NDUFAF2: variants seen among roughly 807,000 people sequenced by gnomAD.
The protein encoded by NDUFAF2 is NADH:ubiquinone oxidoreductase complex assembly factor 2.
Under a neutral mutation model 22.8 loss-of-function variants are expected in NDUFAF2, and 13 were observed. That is an observed-to-expected ratio of 0.57 (90% CI 0.37 to 0.91). The LOEUF (loss-of-function observed/expected upper bound fraction) is 0.91, where lower values mean the gene tolerates loss of function less well. Among genes scored for constraint, NDUFAF2 ranks in the 40% least tolerant of loss-of-function variants. The probability of loss-of-function intolerance (pLI) is 0.01; values close to 1 mark genes in which losing one functional copy is unlikely to be tolerated. For synonymous variants in NDUFAF2, 53 were observed against 64.2 expected, an observed-to-expected ratio of 0.83 and a Z score of 0.84; for missense variants, 162 against 195.2, an observed-to-expected ratio of 0.83 and a Z score of 1.01.
chr5:61,074,851 G>T (rs1302131814), intron 2 of NDUFAF2, among the ~76,000 whole-genome samples: 1 of 152,176 alleles, frequency 6.6e-6, no homozygotes. Context: ...CATAGCTGGG[G>T]AGGCCTCAGG....
chr5:61,119,061 A>T (rs1359003039), intron 3 of NDUFAF2, among the ~76,000 whole-genome samples: 2 of 152,196 alleles, frequency 1.3e-5, no homozygotes, highest in African/African-American at 4.8e-5. Flanking sequence ...TTAAAAGAAC[A>T]TATTGGGTCC....
chr5:60,988,782 A>G (rs113116596), intron 1 of NDUFAF2, among the ~76,000 whole-genome samples: 1,992 of 152,334 alleles, frequency 0.013, 24 homozygotes, highest in Non-Finnish European at 0.021. Context: ...AGCCAACTCA[A>G]GAATATAACG....
chr5:60,945,261 T>C lies in NDUFAF2; in HGVS notation c.6T>C (p.Gly2=), dbSNP rs748612232. Residue 2 remains glycine (G), a synonymous_variant, in exon 1 of 4, where the codon GGT becomes GGC. Coordinates refer to ENST00000296597, the MANE Select transcript of NDUFAF2 (RefSeq NM_174889.5). ...CTGGAAACTGGGTGGACGGCATGGGTTGGTCTCAGGATTTGTTCCGCGCCT... is the reference window on the plus strand; with the variant it reads ...CTGGAAACTGGGTGGACGGCATGGGCTGGTCTCAGGATTTGTTCCGCGCCT... M[G]WSQDLFRALW... is the part of the protein sequence containing the mutation. 33 of 1,612,886 alleles carry C rather than the reference T, an allele frequency of 2.0e-5. No individual in the cohort carries two copies. The South Asian group carries it at 3.5e-4, about 17-fold the overall frequency.
chr5:61,054,725 T>C (rs1039284198), intron 1 of NDUFAF2, among the ~76,000 whole-genome samples: 2 of 152,230 alleles, frequency 1.3e-5, no homozygotes, highest in Admixed American at 6.5e-5. Context: ...TAGGAACTTA[T>C]AGGCCTTACT....
At chr5:61,068,914 A>G (rs960553635) in intron 1 of NDUFAF2, among the ~76,000 whole-genome samples, 16 of 152,162 alleles carry the variant, frequency 1.1e-4, no homozygotes, top group Non-Finnish European at 1.0e-4. Context: ...CAAAAGACCC[A>G]TGTTCAAATC....
At chr5:61,129,916 A>G (rs1364981584) in intron 3 of NDUFAF2, among the ~76,000 whole-genome samples, 1 of 152,102 alleles carries the variant, frequency 6.6e-6, no homozygotes, top group East Asian at 1.9e-4. Flanking sequence ...TTCTAATTCT[A>G]ATATTACAAG....
intron 3 of NDUFAF2, among the ~76,000 whole-genome samples, chr5:61,116,964 A>T (rs1752920124): frequency 6.6e-6 from 1 of 152,158 alleles, no homozygotes; most frequent in African/African-American, 2.4e-5. Flanking sequence ...TTTGCGGAAA[A>T]AACTTGGGAA....
chr5:61,131,175 G>A (rs1288303480), intron 3 of NDUFAF2, among the ~76,000 whole-genome samples: 1 of 151,614 alleles, frequency 6.6e-6, no homozygotes, highest in Non-Finnish European at 1.5e-5. Context: ...AGATACAGGT[G>A]TAAGTTGATG....
At chr5:61,126,399 T>C in intron 3 of NDUFAF2, among the ~76,000 whole-genome samples, 1 of 152,064 alleles carries the variant, frequency 6.6e-6, no homozygotes, top group East Asian at 1.9e-4. Flanking sequence ...GCATAAGTTT[T>C]CAGTAATTGT....
intron 1 of NDUFAF2, among the ~76,000 whole-genome samples, chr5:60,969,453 C>T (rs1213933247): frequency 6.6e-6 from 1 of 152,222 alleles, no homozygotes; most frequent in Non-Finnish European, 1.5e-5. Context: ...TTGCATTTCT[C>T]TGATGATGAA....
intron 1 of NDUFAF2, among the ~76,000 whole-genome samples, chr5:61,032,822 G>A (rs1420895661): frequency 1.3e-5 from 2 of 152,062 alleles, no homozygotes; most frequent in African/African-American, 4.8e-5. Context: ...GGACACTACT[G>A]CCCATTAATG....
intron 1 of NDUFAF2, among the ~76,000 whole-genome samples, chr5:61,021,866 G>A (rs1361766145): frequency 6.6e-6 from 1 of 152,192 alleles, no homozygotes; most frequent in Non-Finnish European, 1.5e-5. Context: ...GAGATTTATT[G>A]TAAGGAATTG....
intron 1 of NDUFAF2, among the ~76,000 whole-genome samples, chr5:61,049,924 C>T (rs34642): frequency 0.81 from 122,818 of 151,336 alleles, 50,323 homozygotes; most frequent in East Asian, 1. Flanking sequence ...CACAGTCTGA[C>T]ATGTATAGTC....
At chr5:61,090,998 GT>G (rs1419140000) in intron 2 of NDUFAF2, among the ~76,000 whole-genome samples, 3 of 152,092 alleles carry the variant, frequency 2.0e-5, no homozygotes, top group African/African-American at 2.4e-5. Context: ...CTCCATCCAT[GT>G]CCCTACAAAG....
intron 1 of NDUFAF2, among the ~76,000 whole-genome samples, chr5:61,032,682 T>G (rs1751743757): frequency 6.6e-6 from 1 of 152,190 alleles, no homozygotes; most frequent in Non-Finnish European, 1.5e-5. Flanking sequence ...TTGTTCTTTT[T>G]GCTTAGGATT....
chr5:60,983,329 A>G lies in NDUFAF2; in HGVS notation c.127+37947A>G, dbSNP rs1325716478. On this transcript the variant is annotated intron_variant, in intron 1 of 3. Transcript: ENST00000296597. ...TTTGTCAGATGAGTGGGTTGCAAAA[A>G]TTTTCTCCCATTCAGTAGGTTGCCT... Among the ~76,000 whole-genome samples, 2 of 32,252 alleles carry G rather than the reference A, an allele frequency of 6.2e-5. 1 individual carries two copies. The highest frequency in any genetic ancestry group is 1.4e-4 in the African/African-American group (2 of 14,016). 21.2% of individuals were successfully genotyped at this position (32,252 alleles called of 152,430 possible). A position where few individuals can be genotyped will look rare whatever the true frequency, so the allele number is the denominator to read the frequency against.
Position 61,007,407 on chromosome 5 carries a change from C to G in NDUFAF2, c.127+62025C>G, listed in dbSNP as rs181210101. 1.9e-3 allele frequency among the ~76,000 whole-genome samples: 292 copies of G among 152,144 alleles called. 4 individuals carry two copies. The highest frequency in any genetic ancestry group is 6.8e-3 in the African/African-American group (282 of 41,512). ...CCCATCTCTTGTTTTTGTCAGGTTT[C>G]TCAAAGATCAGATAGTTGTAGATAT... On this transcript the variant is annotated intron_variant, in intron 1 of 3. Transcript: ENST00000296597.
chr5:61,019,258 A>G (rs1344763677), intron 1 of NDUFAF2, among the ~76,000 whole-genome samples: 1 of 152,124 alleles, frequency 6.6e-6, no homozygotes, highest in Non-Finnish European at 1.5e-5. Flanking sequence ...TAACAATAGT[A>G]CCCATCATCA....
intron 3 of NDUFAF2, among the ~76,000 whole-genome samples, chr5:61,101,014 A>G (rs1752698888): frequency 6.6e-6 from 1 of 152,132 alleles, no homozygotes; most frequent in African/African-American, 2.4e-5. Flanking sequence ...TCCCTGCCTC[A>G]AGTGAACAAC....
Sources: allele counts gnomAD v4.1 joint callset (sites outside exome capture counted in the v4.1 genomes callset), GRCh38; gene constraint gnomAD v4.1.1; transcripts MANE v1.5; gene names NCBI Gene and HGNC (gene_info 2026-07-23, HGNC 2026-07-21).